The following PARD3 variants were observed in gnomAD, a reference collection of about 807,000 sequenced individuals.
PARD3 encodes the protein par-3 family cell polarity regulator, also known as partitioning defective 3 homolog.
PARD3 carries 75 observed loss-of-function variants against 155.4 expected under a neutral mutation model. The observed-to-expected ratio is 0.48, with a 90% CI of 0.40 to 0.58. The LOEUF is 0.58. Among genes scored for constraint, PARD3 ranks in the 20% least tolerant of loss-of-function variants. PARD3 has a pLI of 0.00. For missense variants in PARD3, 1,642 were observed against 1,721.7 expected, an observed-to-expected ratio of 0.95 and a Z score of 0.82; for synonymous variants, 576 against 610.5, an observed-to-expected ratio of 0.94 and a Z score of 0.83.
intron 5 of PARD3, among the ~76,000 whole-genome samples, chr10:34,413,662 A>G (rs2132331791): frequency 6.6e-6 from 1 of 152,252 alleles, no homozygotes; most frequent in South Asian, 2.1e-4. Context: ...TCCCTTGGAC[A>G]TTAAGTAGGA....
At chr10:34,396,479 T>C (rs1843357085) in intron 7 of PARD3, among the ~76,000 whole-genome samples, 1 of 152,242 alleles carries the variant, frequency 6.6e-6, no homozygotes. Flanking sequence ...TTTTCCTTAA[T>C]GACATTTGAT....
intron 2 of PARD3, among the ~76,000 whole-genome samples, chr10:34,589,071 T>C (rs2088386453): frequency 6.6e-6 from 1 of 152,106 alleles, no homozygotes; most frequent in East Asian, 1.9e-4. Flanking sequence ...CTACTATGTA[T>C]ACATAGAGAG....
chr10:34,484,691 A>T (rs761423130), intron 3 of PARD3, among the ~76,000 whole-genome samples: 2 of 152,214 alleles, frequency 1.3e-5, no homozygotes, highest in African/African-American at 2.4e-5. Flanking sequence ...GACATGATCC[A>T]GCACTTCAGC....
chr10:34,268,892 C>G (rs1308720695), intron 22 of PARD3, among the ~76,000 whole-genome samples: 1 of 151,894 alleles, frequency 6.6e-6, no homozygotes, highest in Admixed American at 6.6e-5. Flanking sequence ...CAAACCTGCA[C>G]GTTGTGCACA....
chr10:34,440,678 T>G (rs369287978), intron 5 of PARD3, among the ~76,000 whole-genome samples: 95 of 152,150 alleles, frequency 6.2e-4, no homozygotes, highest in African/African-American at 2.1e-3. Context: ...GGCTTTTAGC[T>G]CCATAGGCCA....
chr10:34,578,959 A>T (rs1278314100), intron 2 of PARD3, among the ~76,000 whole-genome samples: 2 of 152,206 alleles, frequency 1.3e-5, no homozygotes, highest in East Asian at 3.8e-4. Flanking sequence ...TACCTTTTCA[A>T]GATATCTGCT....
At chr10:34,565,465 C>T (rs1332932938) in intron 2 of PARD3, among the ~76,000 whole-genome samples, 1 of 151,648 alleles carries the variant, frequency 6.6e-6, no homozygotes, top group Non-Finnish European at 1.5e-5. Flanking sequence ...CAGGGTTTCA[C>T]CATGTTGGCC....
rs74409506 is a variant in PARD3 at position 34,131,072 on chromosome 10, A to T, written c.3540+391T>A. Among the ~76,000 whole-genome samples, 852 of 152,258 alleles carry T rather than the reference A, an allele frequency of 5.6e-3. 7 individuals are homozygous for T. The highest frequency in any genetic ancestry group is 0.019 in the African/African-American group (780 of 41,524). ...GAGACCTCATCTCTTTAAAAAAAAG[A>T]ATTACTAAACACTGTACTTTGTACA... On this transcript the variant is annotated intron_variant, in intron 23 of 24. Transcript: ENST00000374788.
intron 20 of PARD3, among the ~76,000 whole-genome samples, chr10:34,291,635 G>A (rs916693825): frequency 1.3e-5 from 2 of 152,202 alleles, no homozygotes; most frequent in Admixed American, 6.5e-5. Context: ...AGCAAAGCTA[G>A]AATTCATACC....
chr10:34,542,223 G>GTA lies in PARD3; in HGVS notation c.223-25065_223-25064insTA, dbSNP rs1564826029. ...TTGGGGTGTGTGTGTGTGTGTGTGT[G>GTA]TGTGTGTGTGTGTGTGCACACACAC... is the stretch of plus-strand genomic sequence containing the variant. On this transcript the variant is annotated intron_variant, in intron 2 of 24. Transcript: ENST00000374788. Among the ~76,000 whole-genome samples, 19 of 4,214 alleles carry GTA rather than the reference G, an allele frequency of 4.5e-3. No individual in the cohort carries two copies. In the Non-Finnish European group the frequency reaches 0.068, roughly 15 times the overall value. 2.8% of individuals were successfully genotyped at this position (4,214 alleles called of 152,430 possible).
intron 2 of PARD3, among the ~76,000 whole-genome samples, chr10:34,666,014 G>C (rs1268188579): frequency 6.6e-6 from 1 of 151,790 alleles, no homozygotes; most frequent in Admixed American, 6.6e-5. Flanking sequence ...AGGAGTTTGA[G>C]ATCAGCTTGA....
At chr10:34,240,695 T>G (rs1200980116) in intron 22 of PARD3, among the ~76,000 whole-genome samples, 1 of 152,152 alleles carries the variant, frequency 6.6e-6, no homozygotes, top group African/African-American at 2.4e-5. Flanking sequence ...TGCTTCCTGG[T>G]GGAGATGTCT....
chr10:34,686,527 G>A (rs2093956522), intron 2 of PARD3, among the ~76,000 whole-genome samples: 1 of 151,730 alleles, frequency 6.6e-6, no homozygotes, highest in African/African-American at 2.4e-5. Flanking sequence ...ACTGAGATCA[G>A]GAGTTCGAGA....
At chr10:34,155,370 A>G (rs1358565927) in intron 22 of PARD3, among the ~76,000 whole-genome samples, 1 of 152,252 alleles carries the variant, frequency 6.6e-6, no homozygotes, top group African/African-American at 2.4e-5. Context: ...AATCACTCAG[A>G]TAACAAGAAT....
At chr10:34,157,138 G>A (rs1377131982) in intron 22 of PARD3, among the ~76,000 whole-genome samples, 1 of 152,060 alleles carries the variant, frequency 6.6e-6, no homozygotes, top group Non-Finnish European at 1.5e-5. Flanking sequence ...CGTTATCAAG[G>A]CAGAGATCTG....
chr10:34,674,650 C>A (rs2133277245), intron 2 of PARD3, among the ~76,000 whole-genome samples: 1 of 152,138 alleles, frequency 6.6e-6, no homozygotes, highest in African/African-American at 2.4e-5. Flanking sequence ...CCATGCCCAG[C>A]TAATTTTCGT....
intron 22 of PARD3, among the ~76,000 whole-genome samples, chr10:34,204,311 G>C (rs1951360815): frequency 1.3e-5 from 2 of 152,214 alleles, no homozygotes; most frequent in African/African-American, 4.8e-5. Flanking sequence ...ATAAAGGAAA[G>C]AGAGTCCAGT....
intron 1 of PARD3, among the ~76,000 whole-genome samples, chr10:34,811,610 A>T (rs1051537391): frequency 1.2e-4 from 18 of 152,224 alleles, no homozygotes; most frequent in Admixed American, 1.1e-3. Flanking sequence ...ACTGTATCAC[A>T]GTGGTGCCAA....
chr10:34,736,246 G>A (rs2094911791), intron 1 of PARD3, among the ~76,000 whole-genome samples: 1 of 151,612 alleles, frequency 6.6e-6, no homozygotes, highest in Admixed American at 6.6e-5. Context: ...TAGCCAGGAT[G>A]GTCTCAATCT....
Sources: allele counts gnomAD v4.1 joint callset (sites outside exome capture counted in the v4.1 genomes callset), GRCh38; gene constraint gnomAD v4.1.1; transcripts MANE v1.5; gene names NCBI Gene and HGNC (gene_info 2026-07-23, HGNC 2026-07-21).